The following PPP4R2 variants were observed in gnomAD, a reference collection of about 807,000 sequenced individuals.
The protein encoded by PPP4R2 is protein phosphatase 4 regulatory subunit 2, also known as serine/threonine-protein phosphatase 4 regulatory subunit 2.
Under a neutral mutation model 47.2 loss-of-function variants are expected in PPP4R2, and 13 were observed. The ratio of observed to expected loss-of-function variants is 0.28; its 90% confidence interval spans 0.18 to 0.44. PPP4R2 has a LOEUF of 0.44. Ranked by LOEUF, PPP4R2 falls within the 20% of genes least tolerant of loss-of-function variation. The pLI, the probability that PPP4R2 is intolerant of heterozygous loss-of-function variation, is 1.00. For missense variants in PPP4R2, 421 were observed against 491.2 expected (o/e 0.86, Z 1.35); for synonymous variants, 151 against 163.3 (o/e 0.92, Z 0.57).
chr3:73,046,988 G>A (rs1414741504), intron 2 of PPP4R2, among the ~76,000 whole-genome samples, 198 bp from the exon 3 acceptor site: 1 of 151,970 alleles, frequency 6.6e-6, no homozygotes, highest in Non-Finnish European at 1.5e-5. Flanking sequence ...GTTTGGGTTG[G>A]GAGTTGGATA....
chr3:73,026,581 A>C (rs766326109), intron 2 of PPP4R2, among the ~76,000 whole-genome samples: 1 of 152,106 alleles, frequency 6.6e-6, no homozygotes, highest in African/African-American at 2.4e-5. Context: ...ATTTGCATTA[A>C]ATGTTTTTTG....
At chr3:73,062,257 G>T in intron 5 of PPP4R2, 2 of 1,601,984 alleles carry the variant, frequency 1.2e-6, no homozygotes, top group African/African-American at 2.7e-5. Flanking sequence ...CAGCCCAGCA[G>T]CCCAGGAGAT....
At chr3:73,029,491 A>G (rs1702129312) in intron 2 of PPP4R2, among the ~76,000 whole-genome samples, 1 of 152,184 alleles carries the variant, frequency 6.6e-6, no homozygotes, top group Non-Finnish European at 1.5e-5. Context: ...GTGTGATGTG[A>G]AAAAGAAAGA....
At chr3:73,063,489 C>T (rs1702919288) in intron 5 of PPP4R2, among the ~76,000 whole-genome samples, 184 bp from the exon 6 acceptor site, 1 of 151,936 alleles carries the variant, frequency 6.6e-6, no homozygotes, top group Admixed American at 6.6e-5. Flanking sequence ...CTGCGCATGG[C>T]ATCACACGTC....
chr3:73,064,868 G>A lies in PPP4R2; in HGVS notation c.655G>A (p.Glu219Lys). 1 of 1,606,582 alleles carries A rather than the reference G, an allele frequency of 6.2e-7. No individual in the cohort carries two copies. Among genetic ancestry groups the A allele is most frequent in the East Asian group, 2.2e-5 (1 of 44,838 alleles). The change falls in exon 8 of 9, where the codon GAA becomes AAA. Residue 219 changes from glutamate (E) to lysine (K), a missense_variant. By Grantham distance (56) the Glu-to-Lys change is moderately conservative. This residue lies in a region of PPP4R2 where 317 missense variants were observed against 287.5 expected (regional missense o/e 1.10). Transcript: ENST00000356692. ...CATTTACAGTGACTCTTCGACCTCT[G>A]AATCAGAAGTTTCCTCAGTGAGCCC... ...EKNHSDSSTS[E>K]SEVSSVSPLK...
At chr3:73,007,033 A>T (rs1312059578) in intron 2 of PPP4R2, among the ~76,000 whole-genome samples, 1 of 152,172 alleles carries the variant, frequency 6.6e-6, no homozygotes, top group Non-Finnish European at 1.5e-5. Flanking sequence ...GTCAGCCATA[A>T]GGTTTTAGAG....
intron 2 of PPP4R2, among the ~76,000 whole-genome samples, chr3:73,004,242 T>C (rs1284302544): frequency 6.6e-6 from 1 of 151,844 alleles, no homozygotes; most frequent in African/African-American, 2.4e-5. Context: ...GGTCTCGCTA[T>C]ATTGCCCAGG....
At chr3:73,016,813 C>CTT (rs1207946652) in intron 2 of PPP4R2, among the ~76,000 whole-genome samples, 1,720 of 72,548 alleles carry the variant, frequency 0.024, 94 homozygotes, top group East Asian at 0.13. Context: ...TTCATTGTTT[C>CTT]TTTTTTTTTT....
chr3:73,049,223 G>A (rs572643581), intron 3 of PPP4R2, among the ~76,000 whole-genome samples: 1 of 151,634 alleles, frequency 6.6e-6, no homozygotes, highest in African/African-American at 2.4e-5. Flanking sequence ...TCGGGGCCAG[G>A]TGTGGTGGCT....
intron 2 of PPP4R2, among the ~76,000 whole-genome samples, chr3:73,009,145 A>G (rs9310257): frequency 1.3e-5 from 2 of 151,960 alleles, no homozygotes; most frequent in Non-Finnish European, 2.9e-5. Context: ...GAGGCTTGTA[A>G]TAGATGATCT....
chr3:73,060,107 C>A (rs1446654796), intron 4 of PPP4R2, among the ~76,000 whole-genome samples: 1 of 152,050 alleles, frequency 6.6e-6, no homozygotes, highest in Non-Finnish European at 1.5e-5. Flanking sequence ...GGAAACACTC[C>A]CCTGTTCATT....
chr3:73,012,195 G>A (rs948088099), intron 2 of PPP4R2, among the ~76,000 whole-genome samples: 1 of 152,112 alleles, frequency 6.6e-6, no homozygotes, highest in Non-Finnish European at 1.5e-5. Flanking sequence ...CTTATAATAC[G>A]TAATACAATA....
At chr3:73,059,316 A>G (rs537293688) in intron 4 of PPP4R2, among the ~76,000 whole-genome samples, 186 bp downstream of exon 4, 14 of 152,302 alleles carry the variant, frequency 9.2e-5, no homozygotes, top group African/African-American at 3.1e-4. Flanking sequence ...AGGACCGGGT[A>G]GAGGAGGGTT....
rs531038567 is a variant in PPP4R2 at position 73,051,866 on chromosome 3, C to T, written c.287+4510C>T. ...GGTCTCGATCTCCTGACCTTGTGACCCACCCACCTCGGCCTCCCAAAGTGC... is the reference window on the plus strand; with the variant it reads ...GGTCTCGATCTCCTGACCTTGTGACTCACCCACCTCGGCCTCCCAAAGTGC... On this transcript the variant is annotated intron_variant, in intron 3 of 8. Coordinates refer to ENST00000356692, the MANE Select transcript of PPP4R2 (RefSeq NM_174907.4). Among the ~76,000 whole-genome samples the T allele has an allele frequency of 1.5e-3, 230 of 152,236 alleles. 1 individual carries two copies. The highest frequency in any genetic ancestry group is 5.2e-3 in the African/African-American group (218 of 41,536).
intron 2 of PPP4R2, among the ~76,000 whole-genome samples, chr3:73,026,083 T>C (rs192138423): frequency 3.2e-4 from 49 of 152,342 alleles, no homozygotes; most frequent in Admixed American, 3.2e-3. Flanking sequence ...TGCTACAATA[T>C]AAGTATGTTA....
At position 73,047,268 on chromosome 3, in the gene PPP4R2, C is replaced by T. The variant is rs1702504162; in HGVS notation, c.199C>T (p.Pro67Ser). ...MDDFRTSAPE[P>S]RGPPNPNVEY... ...TGATTTCAGAACTTCAGCTCCTGAG[C>T]CAAGAGGTCCTCCCAACCCTAATGT... The change falls in exon 3 of 9, where the codon CCA becomes TCA. Residue 67 changes from proline (P) to serine (S), a missense_variant. Coordinates refer to ENST00000356692, the MANE Select transcript of PPP4R2 (RefSeq NM_174907.4). 2 of 1,608,148 alleles carry T rather than the reference C, an allele frequency of 1.2e-6. No homozygotes were observed. The highest frequency in any genetic ancestry group is 2.2e-5 in the East Asian group (1 of 44,804).
chr3:73,041,512 T>C (rs1397920388), intron 2 of PPP4R2, among the ~76,000 whole-genome samples: 1 of 152,260 alleles, frequency 6.6e-6, no homozygotes, highest in Non-Finnish European at 1.5e-5. Context: ...ATCTGCCTTT[T>C]AAACATTAAG....
chr3:73,040,451 A>C (rs1353819848), intron 2 of PPP4R2, among the ~76,000 whole-genome samples: 1 of 151,970 alleles, frequency 6.6e-6, no homozygotes, highest in Non-Finnish European at 1.5e-5. Context: ...GCTGTTAATC[A>C]CATAACTACA....
intron 2 of PPP4R2, among the ~76,000 whole-genome samples, chr3:73,030,315 G>T (rs1282035424): frequency 6.6e-6 from 1 of 152,160 alleles, no homozygotes; most frequent in Non-Finnish European, 1.5e-5. Flanking sequence ...GGAGTTCAGG[G>T]TGTGTACATG....
Sources: allele counts gnomAD v4.1 joint callset (sites outside exome capture counted in the v4.1 genomes callset), GRCh38; gene constraint gnomAD v4.1.1; regional missense constraint gnomAD v4.1.1; transcripts MANE v1.5; gene names NCBI Gene and HGNC (gene_info 2026-07-23, HGNC 2026-07-21).